Variants in KRT82 observed in about 807,000 individuals in gnomAD.
KRT82 encodes the protein keratin 82.
In KRT82, 44 loss-of-function variants were observed where a neutral mutation model predicts 48.0. That is an observed-to-expected ratio of 0.92 (90% confidence interval 0.72 to 1.18). The LOEUF (loss-of-function observed/expected upper bound fraction) is 1.18, where lower values mean the gene tolerates loss of function less well. KRT82 is among the 50% of genes most tolerant of loss of function. KRT82 has a pLI of 0.00. For missense variants in KRT82, 701 were observed against 671.4 expected, an observed-to-expected ratio of 1.04 and a Z score of -0.49; for synonymous variants, 297 against 278.3, an observed-to-expected ratio of 1.07 and a Z score of -0.67.
In KRT82 at chr12:52,403,881, A is replaced by T; in HGVS notation, c.440T>A (p.Leu147Gln). 4 of 1,613,984 alleles carry T rather than the reference A, an allele frequency of 2.5e-6. No homozygotes were observed. Among genetic ancestry groups the T allele is most frequent in the Non-Finnish European group, 3.4e-6 (4 of 1,180,010 alleles). ...CATGAAGTTCCACTTGGTCTCCAGC[A>T]GCTTGTTCTTCTGCTCCAGGAAACG... The part of the protein sequence containing the change: ...KVRFLEQKNK[L>Q]LETKWNFMQQ... The change falls in exon 2 of 9, where the codon CTG becomes CAG. Residue 147 changes from leucine to glutamine, a missense_variant. By Grantham distance (113) the Leu-to-Gln change is moderately radical (BLOSUM62 -2). Transcript: ENST00000257974.
At position 52,396,949 on chromosome 12, in the gene KRT82, G is replaced by C. The variant is rs74942852; in HGVS notation, c.1002C>G (p.Asn334Lys). ...TCAGTTTATTCATTTCCAGGATCTC[G>C]TTCTTACGGTTGCGGAGGTTGTCAC... is the stretch of plus-strand genomic sequence containing the variant. Reference protein sequence around the residue: ...NHCDNLRNRKNEILEMNKLIQ... With the variant: ...NHCDNLRNRKKEILEMNKLIQ... The change falls in exon 6 of 9, where the codon AAC (asparagine) becomes AAG (lysine). Residue 334 changes from asparagine to lysine, a missense_variant. By Grantham distance (94) the Asn-to-Lys change is moderately conservative (BLOSUM62 0). Coordinates refer to ENST00000257974, the MANE Select transcript of KRT82 (RefSeq NM_033033.4). The C allele has an allele frequency of 7.4e-6, 12 of 1,614,012 alleles. No homozygotes were observed. The East Asian group carries it at 2.7e-4, about 36-fold the overall frequency.
rs959884183 is a variant in KRT82, at chr12:52,395,616, C to A, written c.1321+143G>T. The stretch of plus-strand genomic sequence containing the variant: ...AGATTTGGATAGCCCTTTCCACCAG[C>A]CTGGGAGCTCACGGCAGACAGAGCT... On this transcript the variant is annotated intron_variant, in intron 8 of 8. Coordinates refer to ENST00000257974, the MANE Select transcript of KRT82 (RefSeq NM_033033.4). 1.6e-5 allele frequency: 10 copies of A among 636,658 alleles called. No individual in the cohort carries two copies. In the African/African-American group the frequency reaches 1.9e-4, roughly 12 times the overall value. The allele number at this position is 636,658 out of a possible 1,614,324, so 39.4% of individuals were successfully genotyped here.
Position 52,396,208 on chromosome 12 carries a change from C to G in KRT82, c.1093G>C (p.Ala365Pro), listed in dbSNP as rs201202939. The G allele has an allele frequency of 2.5e-6, 4 of 1,613,628 alleles. No individual in the cohort carries two copies. Among genetic ancestry groups the G allele is most frequent in the South Asian group, 1.1e-5 (1 of 91,076 alleles). ...AQRCKLEGAI[A>P]EAEQQGEAAL... Reference sequence around the variant, plus strand: ...GCCTCGCCCTGCTGCTCTGCCTCAGCTATGGCACCCTCAAGTTTGCAGCGC... The same window carrying G: ...GCCTCGCCCTGCTGCTCTGCCTCAGGTATGGCACCCTCAAGTTTGCAGCGC... The change falls in exon 7 of 9, where the codon GCT becomes CCT. Residue 365 changes from alanine to proline, a missense_variant. Physicochemically the swap from Ala to Pro is conservative, Grantham distance 27. Coordinates refer to ENST00000257974, the MANE Select transcript of KRT82 (RefSeq NM_033033.4).
intron 5 of KRT82, among the ~76,000 whole-genome samples, chr12:52,398,806 A>T (rs986430136): frequency 1.3e-5 from 2 of 152,078 alleles, no homozygotes; most frequent in East Asian, 3.9e-4. Flanking sequence ...TGCCTTCAGA[A>T]CAAAGCCAAA....
In KRT82 at chr12:52,395,052, GC is replaced by G. The variant is rs1406574355; in HGVS notation, c.1464del (p.Leu489TyrfsTer2). ...GELYVPCEPQGLLSCGSGRKS... is the reference protein window; with the variant it reads ...GELYVPCEPQXLLSCGSGRKS... ...TTCCGCCCGCTCCCACAGCTCAGTAGCCCCTGGGGCTCGCAGGGGACATAGA... is the reference window on the plus strand; with the variant it reads ...TTCCGCCCGCTCCCACAGCTCAGTAGCCCTGGGGCTCGCAGGGGACATAGA... On this transcript the variant is annotated frameshift_variant, in exon 9 of 9. Coordinates refer to ENST00000257974, the MANE Select transcript of KRT82 (RefSeq NM_033033.4). LOFTEE classifies it low-confidence loss of function (END_TRUNC). 6.2e-7 allele frequency: 1 copy of G among 1,614,012 alleles called. No homozygotes were observed. The highest frequency in any genetic ancestry group is 8.5e-7 in the Non-Finnish European group (1 of 1,179,990).
chr12:52,403,839 C>G lies in KRT82; in HGVS notation c.482G>C (p.Cys161Ser). The G allele has an allele frequency of 6.2e-7, 1 of 1,613,954 alleles. No homozygotes were observed. The highest frequency in any genetic ancestry group is 8.5e-7 in the Non-Finnish European group (1 of 1,180,024). Residue 161 changes from cysteine (C) to serine (S), a missense_variant, in exon 2 of 9, where the codon TGC becomes TCC. By Grantham distance (112) the Cys-to-Ser change is moderately radical (BLOSUM62 -1). Transcript: ENST00000257974. ...GAAGATGGGCTCGATGTTGGTCTGG[C>G]AGCACCTCTGCTGCTGCATGAAGTT... ...KWNFMQQQRCCQTNIEPIFEG... is the reference protein window; with the variant it reads ...KWNFMQQQRCSQTNIEPIFEG...
chr12:52,403,925 G>A lies in KRT82; in HGVS notation c.412-16C>T, dbSNP rs764547901. On this transcript the variant is annotated splice_polypyrimidine_tract_variant and intron_variant, in intron 1 of 8. Transcript: ENST00000257974. ...GGAAACGGACCTGCAGCCAAGAATGGAATATCACCAGGCAGCAGAGATCCT... is the reference window on the plus strand; with the variant it reads ...GGAAACGGACCTGCAGCCAAGAATGAAATATCACCAGGCAGCAGAGATCCT... 6.2e-7 allele frequency: 1 copy of A among 1,611,008 alleles called. No individual in the cohort carries two copies. Among genetic ancestry groups the A allele is most frequent in the Admixed American group, 1.7e-5 (1 of 59,864 alleles).
intron 6 of KRT82, 66 bp from the exon 7 acceptor site, chr12:52,396,298 G>T: frequency 6.8e-7 from 1 of 1,471,200 alleles, no homozygotes; most frequent in Non-Finnish European, 9.2e-7. Flanking sequence ...TCGCAGAAGA[G>T]CAGAGAGAAC....
intron 5 of KRT82, 107 bp from the exon 6 acceptor site, chr12:52,397,115 T>C (rs1791635): frequency 0.78 from 1,078,888 of 1,386,302 alleles, 421,282 homozygotes; most frequent in African/African-American, 0.93. Context: ...AGTTCAGGTG[T>C]TCTCTGGTTC....
At chr12:52,399,713 G>T (rs2121475250) in intron 5 of KRT82, among the ~76,000 whole-genome samples, 1 of 152,358 alleles carries the variant, frequency 6.6e-6, no homozygotes, top group South Asian at 2.1e-4. Flanking sequence ...CAGTGAGTCT[G>T]CAGGTAAAAA....
chr12:52,398,947 G>T (rs1043647455), intron 5 of KRT82, among the ~76,000 whole-genome samples: 1 of 152,028 alleles, frequency 6.6e-6, no homozygotes, highest in Non-Finnish European at 1.5e-5. Flanking sequence ...GCTCAGCCTG[G>T]CACACCCTCC....
At position 52,394,899 on chromosome 12, in the gene KRT82, G is replaced by C. The variant is rs534336680; in HGVS notation, c.*76C>G. The C allele has an allele frequency of 7.9e-7, 1 of 1,269,462 alleles. No individual in the cohort carries two copies. The highest frequency in any genetic ancestry group is 2.3e-5 in the East Asian group (1 of 43,224). The allele number at this position is 1,269,462 out of a possible 1,614,324, so 78.6% of individuals were successfully genotyped here. A position where few individuals can be genotyped will look rare whatever the true frequency, so the allele number is the denominator to read the frequency against. On this transcript the variant is annotated 3_prime_UTR_variant, in exon 9 of 9. Transcript: ENST00000257974. ...GGAGGTGGGGTTTTGGAACATCCTTGTCTTCAGCCCTGGTGGGAGTGTGAC... is the reference window on the plus strand; with the variant it reads ...GGAGGTGGGGTTTTGGAACATCCTTCTCTTCAGCCCTGGTGGGAGTGTGAC...
intron 2 of KRT82, among the ~76,000 whole-genome samples, chr12:52,402,953 GGCACTGGATTCCCATAGGA>G (rs1939808689): frequency 6.6e-6 from 1 of 152,158 alleles, no homozygotes. Flanking sequence ...ATTCCCATGG[GGCACTGGATTCCCATAGGA>G]CACTGGATTC....
chr12:52,395,276 A>T lies in KRT82; in HGVS notation c.1322-81T>A, dbSNP rs901915156. On this transcript the variant is annotated intron_variant, in intron 8 of 8. Coordinates refer to ENST00000257974, the MANE Select transcript of KRT82 (RefSeq NM_033033.4). ...TGCCCTGAAACTACTCAGCCAGGCC[A>T]TTCCTCCCACCTCCTGCCACTCACC... is the stretch of plus-strand genomic sequence containing the variant. 6 of 1,180,720 alleles carry T rather than the reference A, an allele frequency of 5.1e-6. No individual in the cohort carries two copies. The Admixed American group carries it at 1.0e-4, about 20-fold the overall frequency. 73.1% of individuals were successfully genotyped at this position (1,180,720 alleles called of 1,614,324 possible).
intron 5 of KRT82, among the ~76,000 whole-genome samples, chr12:52,398,229 G>A (rs554552964): frequency 6.6e-6 from 1 of 152,118 alleles, no homozygotes; most frequent in South Asian, 2.1e-4. Flanking sequence ...CTCTTTAAAG[G>A]GGGGAATGAC....
intron 5 of KRT82, 21 bp downstream of exon 5, chr12:52,399,964 C>T (rs193014204): frequency 1.4e-5 from 22 of 1,607,926 alleles, no homozygotes; most frequent in Admixed American, 1.2e-4. Context: ...AGTCTCCCTG[C>T]CCCCAACCAC....
chr12:52,403,675 G>T, intron 2 of KRT82, 26 bp downstream of exon 2: 3 of 1,406,900 alleles, frequency 2.1e-6, no homozygotes, highest in Non-Finnish European at 2.0e-6. Flanking sequence ...AGGTCCACCA[G>T]TGGGGTAAAA....
intron 5 of KRT82, among the ~76,000 whole-genome samples, chr12:52,399,381 C>A (rs756875600): frequency 6.6e-6 from 1 of 152,194 alleles, no homozygotes; most frequent in Non-Finnish European, 1.5e-5. Context: ...GTGCTTGGCA[C>A]GTGGTTGATG....
intron 5 of KRT82, among the ~76,000 whole-genome samples, chr12:52,397,896 A>G (rs1052278532): frequency 1.3e-5 from 2 of 152,066 alleles, no homozygotes; most frequent in Non-Finnish European, 2.9e-5. Context: ...AAAATACACA[A>G]ATTAGCTGAG....
Sources: allele counts gnomAD v4.1 joint callset (sites outside exome capture counted in the v4.1 genomes callset), GRCh38; gene constraint gnomAD v4.1.1; transcripts MANE v1.5; gene names NCBI Gene and HGNC (gene_info 2026-07-23, HGNC 2026-07-21).